The following THSD7B variants were observed in gnomAD, a reference collection of about 807,000 sequenced individuals.
THSD7B encodes the protein thrombospondin type-1 domain-containing protein 7B.
In THSD7B, 138 loss-of-function variants were observed where a neutral mutation model predicts 213.6. That is an observed-to-expected ratio of 0.65 (90% CI 0.56 to 0.74). THSD7B has a LOEUF of 0.74. THSD7B is among the 30% of genes least tolerant of loss of function. The pLI is 0.00. For missense variants in THSD7B, 1,931 were observed against 1,991.5 expected, an observed-to-expected ratio of 0.97 and a Z score of 0.58; for synonymous variants, 742 against 687.0, an observed-to-expected ratio of 1.08 and a Z score of -1.25.
intron 7 of THSD7B, among the ~76,000 whole-genome samples, chr2:137,212,182 T>C (rs1276995117): frequency 6.6e-6 from 1 of 152,116 alleles, no homozygotes; most frequent in Non-Finnish European, 1.5e-5. Flanking sequence ...TCACTACCTT[T>C]GGCTTCACTT....
At chr2:136,796,143 C>T (rs936062784) in intron 1 of THSD7B, among the ~76,000 whole-genome samples, 2 of 151,702 alleles carry the variant, frequency 1.3e-5, no homozygotes, top group East Asian at 1.9e-4. Context: ...GAAATGTATC[C>T]CTTTTTAAAA....
At chr2:137,401,838 T>G (rs994270184) in intron 12 of THSD7B, among the ~76,000 whole-genome samples, 2 of 152,164 alleles carry the variant, frequency 1.3e-5, no homozygotes, top group African/African-American at 4.8e-5. Context: ...AAAAACAAAC[T>G]GATTTGCTCT....
intron 5 of THSD7B, among the ~76,000 whole-genome samples, chr2:137,130,123 G>T (rs1688702098): frequency 6.6e-6 from 1 of 152,184 alleles, no homozygotes; most frequent in African/African-American, 2.4e-5. Context: ...GAGACAGCAA[G>T]GGGCTGGGGC....
At chr2:137,082,983 C>T (rs749370584) in intron 3 of THSD7B, among the ~76,000 whole-genome samples, 2 of 152,050 alleles carry the variant, frequency 1.3e-5, no homozygotes, top group African/African-American at 4.8e-5. Flanking sequence ...GTAGAACAAT[C>T]TCTTTATTCC....
At chr2:137,618,650 T>C (rs1160592886) in intron 19 of THSD7B, 143 bp downstream of exon 19, 3 of 685,664 alleles carry the variant, frequency 4.4e-6, no homozygotes, top group Non-Finnish European at 7.1e-6. Context: ...GGTGCCAGTA[T>C]AGTATGGTTA....
chr2:137,264,829 T>A (rs886563980), intron 10 of THSD7B, among the ~76,000 whole-genome samples: 3 of 151,642 alleles, frequency 2.0e-5, no homozygotes, highest in Non-Finnish European at 4.4e-5. Flanking sequence ...TTTTATTTTT[T>A]ATTTATTATT....
At chr2:137,479,452 A>G (rs1573649676) in intron 15 of THSD7B, 1 of 387,238 alleles carries the variant, frequency 2.6e-6, no homozygotes, top group South Asian at 1.9e-5. Flanking sequence ...ACAGGGATGG[A>G]GTGATCTTCA....
intron 15 of THSD7B, among the ~76,000 whole-genome samples, chr2:137,528,270 G>A (rs1298668859): frequency 6.6e-6 from 1 of 152,018 alleles, no homozygotes; most frequent in African/African-American, 2.4e-5. Context: ...GATGAAGGAG[G>A]AGGAGTCAGA....
Position 137,331,981 on chromosome 2 carries a change from C to T in THSD7B, c.2500+55955C>T, listed in dbSNP as rs533759853. Among the ~76,000 whole-genome samples the T allele has an allele frequency of 1.4e-4, 21 of 152,282 alleles. No individual in the cohort carries two copies. In the South Asian group the frequency reaches 1.5e-3, roughly 11 times the overall value. ...CGCACACAGCCCCGGTTCCCACTCG[C>T]GCCTCTCCCTCCACACCTCCCTGCA... On this transcript the variant is annotated intron_variant, in intron 12 of 27. Transcript: ENST00000409968.
chr2:136,858,658 T>G (rs1429979), intron 1 of THSD7B, among the ~76,000 whole-genome samples: 143,317 of 152,274 alleles, frequency 0.94, 67,712 homozygotes, highest in East Asian at 1. Flanking sequence ...CATTTGTTAT[T>G]ATTTTTATAT....
Position 136,989,137 on chromosome 2 carries a change from G to A in THSD7B, c.140-67283G>A, listed in dbSNP as rs548211387. Among the ~76,000 whole-genome samples, 5 of 152,298 alleles carry A rather than the reference G, an allele frequency of 3.3e-5. No individual in the cohort carries two copies. In the East Asian group the frequency reaches 9.6e-4, roughly 29 times the overall value. On this transcript the variant is annotated intron_variant, in intron 2 of 27. Transcript: ENST00000409968. ...AGTCCCACAGGGAAGTCAACCTTGT[G>A]AGAATTTGTTAGATGGGTATTCCCA...
intron 5 of THSD7B, among the ~76,000 whole-genome samples, chr2:137,136,616 C>T (rs191273498): frequency 6.6e-6 from 1 of 152,258 alleles, no homozygotes; most frequent in East Asian, 1.9e-4. Context: ...TTTCTAGGAA[C>T]TCTGAGTATG....
intron 14 of THSD7B, among the ~76,000 whole-genome samples, chr2:137,437,862 A>G (rs937406364): frequency 2.0e-5 from 3 of 152,154 alleles, no homozygotes; most frequent in Non-Finnish European, 4.4e-5. Flanking sequence ...TTGACTAGGA[A>G]ATAGATAAAA....
At chr2:137,652,245 G>T (rs1274228575) in intron 21 of THSD7B, among the ~76,000 whole-genome samples, 1 of 151,924 alleles carries the variant, frequency 6.6e-6, no homozygotes, top group Admixed American at 6.6e-5. Flanking sequence ...GTCCAGTGTT[G>T]GGTCTATCAA....
intron 2 of THSD7B, among the ~76,000 whole-genome samples, chr2:136,947,791 G>A (rs1684969897): frequency 6.6e-6 from 1 of 152,140 alleles, no homozygotes; most frequent in South Asian, 2.1e-4. Flanking sequence ...TTTTGCCTCT[G>A]CATTTAATGA....
chr2:137,013,440 G>A (rs978561360), intron 2 of THSD7B, among the ~76,000 whole-genome samples: 2 of 152,150 alleles, frequency 1.3e-5, no homozygotes, highest in Admixed American at 6.5e-5. Context: ...GGAGATCAAG[G>A]CTGCTAGAGT....
intron 14 of THSD7B, among the ~76,000 whole-genome samples, chr2:137,427,785 T>G (rs1307232369): frequency 6.6e-6 from 1 of 152,138 alleles, no homozygotes; most frequent in Non-Finnish European, 1.5e-5. Context: ...GCAATCATAG[T>G]TAATAATAGT....
At chr2:137,655,473 A>G (rs1463064800) in intron 21 of THSD7B, 28 bp from the exon 22 acceptor site, 9 of 1,590,804 alleles carry the variant, frequency 5.7e-6, no homozygotes, top group Non-Finnish European at 7.7e-6. Flanking sequence ...TATTTGGGTA[A>G]TTGTGAAAGT....
intron 13 of THSD7B, among the ~76,000 whole-genome samples, chr2:137,408,746 T>TG (rs1397900148): frequency 5.3e-5 from 8 of 152,322 alleles, no homozygotes; most frequent in African/African-American, 1.9e-4. Context: ...AGCTTGTAGA[T>TG]GCTGTGCAAG....
Sources: gnomAD v4.1 joint callset for allele counts (sites outside exome capture counted in the v4.1 genomes callset) on GRCh38, gnomAD v4.1.1 for gene constraint, MANE v1.5 for transcripts, NCBI Gene and HGNC (gene_info 2026-07-23, HGNC 2026-07-21) for gene names.